C3orf49: variants seen among roughly 807,000 people sequenced by gnomAD.
C3orf49 encodes chromosome 3 open reading frame 49.
C3orf49 carries 27 observed loss-of-function variants against 13.3 expected under a neutral mutation model. The observed-to-expected ratio is 2.02, with a 90% CI of 1.49 to 2.79. The LOEUF (loss-of-function observed/expected upper bound fraction) is 2.79, where lower values mean the gene tolerates loss of function less well. Ranked by LOEUF, C3orf49 falls within the 30% of genes most tolerant of loss-of-function variation. C3orf49 has a pLI of 0.00. For missense variants in C3orf49, 242 were observed against 134.2 expected (o/e 1.80, Z -3.97); for synonymous variants, 87 against 47.6 (o/e 1.83, Z -3.40).
chr3:63,828,213 T>G (rs1477231135), intron 3 of C3orf49, among the ~76,000 whole-genome samples: 3 of 152,256 alleles, frequency 2.0e-5, no homozygotes, highest in Non-Finnish European at 2.9e-5. Flanking sequence ...AATAGCCATA[T>G]GTACAACACA....
At chr3:63,842,917 G>C (rs1392042427) in intron 5 of C3orf49, among the ~76,000 whole-genome samples, 8 of 151,830 alleles carry the variant, frequency 5.3e-5, no homozygotes, top group Admixed American at 3.3e-4. Flanking sequence ...AAGTAGCTGT[G>C]ACTACACATG....
At chr3:63,793,140 C>T in the C3orf49 span, among the ~76,000 whole-genome samples, 1 of 152,096 alleles carries the variant, frequency 6.6e-6, no homozygotes, top group African/African-American at 2.4e-5. Flanking sequence ...AAAAAGATAG[C>T]CACCCTTATT....
chr3:63,835,439 T>A (rs752179396), intron 5 of C3orf49: 22 of 1,548,302 alleles, frequency 1.4e-5, no homozygotes, highest in Non-Finnish European at 1.9e-5. Context: ...GGGAGAAGAG[T>A]TTACAATTAA....
At chr3:63,801,361 G>A in the C3orf49 span, among the ~76,000 whole-genome samples, 2 of 151,578 alleles carry the variant, frequency 1.3e-5, no homozygotes, top group Non-Finnish European at 2.9e-5. Context: ...TACATACACG[G>A]TGAAAAAATA....
chr3:63,781,484 G>A, the C3orf49 span, among the ~76,000 whole-genome samples: 4 of 152,034 alleles, frequency 2.6e-5, no homozygotes, highest in African/African-American at 4.8e-5. Context: ...CTCTTTTTTG[G>A]TTCCATATGG....
chr3:63,828,102 T>G (rs1701489490), intron 3 of C3orf49, among the ~76,000 whole-genome samples: 1 of 152,242 alleles, frequency 6.6e-6, no homozygotes, highest in Non-Finnish European at 1.5e-5. Flanking sequence ...TTGTCCAATA[T>G]AGTAGCCGTT....
chr3:63,780,430 T>C, the C3orf49 span, among the ~76,000 whole-genome samples: 1 of 152,216 alleles, frequency 6.6e-6, no homozygotes, highest in Non-Finnish European at 1.5e-5. Context: ...CTATTGTGAA[T>C]GGTGCCGCAA....
intron 5 of C3orf49, among the ~76,000 whole-genome samples, chr3:63,838,928 T>A (rs1701695409): frequency 6.6e-6 from 1 of 152,234 alleles, no homozygotes; most frequent in Admixed American, 6.5e-5. Flanking sequence ...TGGTAGCTCA[T>A]GCCTGTAATT....
chr3:63,815,061 A>G (rs543948181), upstream of C3orf49, among the ~76,000 whole-genome samples: 751 of 152,256 alleles, frequency 4.9e-3, 4 homozygotes, highest in Non-Finnish European at 6.4e-3. Context: ...CTTTTAAACA[A>G]CCAGATCTTG....
intron 2 of C3orf49, among the ~76,000 whole-genome samples, chr3:63,824,044 G>A (rs943282354): frequency 5.9e-5 from 9 of 151,948 alleles, no homozygotes; most frequent in South Asian, 2.1e-4. Context: ...CAGGTGATCC[G>A]TTCGCCTCGG....
the C3orf49 span, among the ~76,000 whole-genome samples, chr3:63,810,127 CAG>C: frequency 6.6e-6 from 1 of 151,236 alleles, no homozygotes; most frequent in Non-Finnish European, 1.5e-5. Flanking sequence ...ACCTGGGCGA[CAG>C]AGCAAGACAC....
intron 5 of C3orf49, chr3:63,834,329 A>C: frequency 1.2e-6 from 1 of 851,546 alleles, no homozygotes; most frequent in Non-Finnish European, 1.8e-6. Flanking sequence ...TAGTTGAATC[A>C]AACTTTAAAA....
upstream of C3orf49, among the ~76,000 whole-genome samples, chr3:63,814,868 G>A (rs1701306518): frequency 6.6e-6 from 1 of 152,022 alleles, no homozygotes; most frequent in African/African-American, 2.4e-5. Context: ...CCAAGACTGG[G>A]TAATTTACTA....
At chr3:63,795,596 C>T in the C3orf49 span, among the ~76,000 whole-genome samples, 2 of 152,112 alleles carry the variant, frequency 1.3e-5, no homozygotes, top group Non-Finnish European at 2.9e-5. Flanking sequence ...TTTGCTCAAT[C>T]GTCCTCTTCC....
chr3:63,825,697 T>C (rs1273368879), intron 2 of C3orf49, among the ~76,000 whole-genome samples: 1 of 152,246 alleles, frequency 6.6e-6, no homozygotes, highest in Non-Finnish European at 1.5e-5. Context: ...CTTCAAAACA[T>C]GTTTTTATCT....
chr3:63,819,167 T>C (rs1343932768), upstream of C3orf49, among the ~76,000 whole-genome samples: 1 of 152,106 alleles, frequency 6.6e-6, no homozygotes, highest in Non-Finnish European at 1.5e-5. Flanking sequence ...CAGATCATCA[T>C]TTCTGTATTT....
chr3:63,835,252 A>C (rs573190557), intron 5 of C3orf49: 2 of 1,612,996 alleles, frequency 1.2e-6, no homozygotes, highest in African/African-American at 2.7e-5. Flanking sequence ...AATTTATACA[A>C]ATGACCTGTA....
At chr3:63,815,729 T>A (rs1701316234), upstream of C3orf49, among the ~76,000 whole-genome samples, 1 of 152,106 alleles carries the variant, frequency 6.6e-6, no homozygotes, top group Non-Finnish European at 1.5e-5. Flanking sequence ...CTACCACGTT[T>A]TTCTACTTTT....
In C3orf49 at chr3:63,834,128, C is replaced by T. The variant is rs1332667642; in HGVS notation, c.849+2284C>T. 3.7e-6 allele frequency: 6 copies of T among 1,613,846 alleles called. No homozygotes were observed. In the South Asian group the frequency reaches 5.5e-5, roughly 15 times the overall value. On this transcript the variant is annotated intron_variant, in intron 5 of 6. Transcript: ENST00000295896. ...TTCCTGGGAGTGGTGGGCAATTAGC[C>T]TGTCTATGGCTTAGGATCTGTTTCC...
Sources: gnomAD v4.1 joint callset for allele counts (sites outside exome capture counted in the v4.1 genomes callset) on GRCh38, gnomAD v4.1.1 for gene constraint, MANE v1.5 for transcripts, NCBI Gene and HGNC (gene_info 2026-07-23, HGNC 2026-07-21) for gene names.